The following GAR1 variants were observed in gnomAD, a reference collection of about 807,000 sequenced individuals.
GAR1 encodes GAR1 ribonucleoprotein.
GAR1 carries 11 observed loss-of-function variants against 29.3 expected under a neutral mutation model. That is an observed-to-expected ratio of 0.38 (90% CI 0.24 to 0.62). The LOEUF (loss-of-function observed/expected upper bound fraction) is 0.62, where lower values mean the gene tolerates loss of function less well. Among genes scored for constraint, GAR1 ranks in the 20% least tolerant of loss-of-function variants. The pLI is 0.62. For missense variants in GAR1, 237 were observed against 268.4 expected, an observed-to-expected ratio of 0.88 and a Z score of 0.82; for synonymous variants, 87 against 93.3, an observed-to-expected ratio of 0.93 and a Z score of 0.39.
chr4:109,820,333 G>C (rs1425223969), intron 4 of GAR1, among the ~76,000 whole-genome samples: 1 of 152,140 alleles, frequency 6.6e-6, no homozygotes, highest in Non-Finnish European at 1.5e-5. Context: ...AGGGGGATTG[G>C]GGGAAGATAA....
intron 3 of GAR1, among the ~76,000 whole-genome samples, chr4:109,818,383 A>C (rs915208263): frequency 2.0e-5 from 3 of 152,068 alleles, no homozygotes; most frequent in Non-Finnish European, 2.9e-5. Context: ...CTGGAAATGT[A>C]GAATTAGAAG....
intron 5 of GAR1, among the ~76,000 whole-genome samples, chr4:109,823,570 C>G (rs972794607): frequency 6.6e-6 from 1 of 152,044 alleles, no homozygotes; most frequent in African/African-American, 2.4e-5. Flanking sequence ...TATCTGCCAC[C>G]CTTTGTTGTT....
intron 2 of GAR1, among the ~76,000 whole-genome samples, chr4:109,817,147 G>C (rs1294434292): frequency 1.3e-5 from 2 of 152,170 alleles, no homozygotes; most frequent in African/African-American, 2.4e-5. Flanking sequence ...CCCACAAGCT[G>C]TTGTACCAGT....
Position 109,824,596 on chromosome 4 carries a change from G to A in GAR1, c.*165G>A. 1 of 609,552 alleles carries A rather than the reference G, an allele frequency of 1.6e-6. No homozygotes were observed. The highest frequency in any genetic ancestry group is 2.8e-5 in the Admixed American group (1 of 36,112). The allele number at this position is 609,552 out of a possible 1,614,324, so 37.8% of individuals were successfully genotyped here. A position where few individuals can be genotyped will look rare whatever the true frequency, so the allele number is the denominator to read the frequency against. Reference sequence around the variant, plus strand: ...ATCATGCAAAGTGCAACGGAATAGTGAATTTTGCTCTAAAAGAGCATGAAC... The same window carrying A: ...ATCATGCAAAGTGCAACGGAATAGTAAATTTTGCTCTAAAAGAGCATGAAC... On this transcript the variant is annotated 3_prime_UTR_variant, in exon 7 of 7. Coordinates refer to ENST00000226796, the MANE Select transcript of GAR1 (RefSeq NM_018983.4).
intron 4 of GAR1, among the ~76,000 whole-genome samples, chr4:109,820,668 G>C (rs573784873): frequency 1.4e-4 from 22 of 152,174 alleles, no homozygotes; most frequent in Admixed American, 3.9e-4. Flanking sequence ...ATGGCAAAAG[G>C]CTGCAAAGTG....
rs772132118 is a variant in GAR1, at chr4:109,818,022, C to A, written c.301C>A (p.Pro101Thr). ...AAATAAGGTGCCTTATTTCAATGCT[C>A]CTGTTTACTTAGAAAACAAAGAACA... is the stretch of plus-strand genomic sequence containing the variant. ...DENKVPYFNAPVYLENKEQIG... is the reference protein window; with the variant it reads ...DENKVPYFNATVYLENKEQIG... Residue 101 changes from proline (P) to threonine (T), a missense_variant, in exon 3 of 7, where the codon CCT becomes ACT. Coordinates refer to ENST00000226796, the MANE Select transcript of GAR1 (RefSeq NM_018983.4). 8 of 1,605,352 alleles carry A rather than the reference C, an allele frequency of 5.0e-6. No homozygotes were observed. The East Asian group carries it at 1.8e-4, about 36-fold the overall frequency.
At chr4:109,824,361 A>G in intron 6 of GAR1, 57 bp from the exon 7 acceptor site, 1 of 1,152,534 alleles carries the variant, frequency 8.7e-7, no homozygotes, top group Admixed American at 1.7e-5. Flanking sequence ...TTTAGGTTAT[A>G]ATACTATTAA....
At chr4:109,818,567 CTTTT>C (rs34081446) in intron 3 of GAR1, among the ~76,000 whole-genome samples, 3 of 123,770 alleles carry the variant, frequency 2.4e-5, no homozygotes, top group Admixed American at 1.8e-4. Flanking sequence ...TTCTTTTTTC[CTTTT>C]TTTTTTTTTT....
In GAR1 at chr4:109,815,782, G is replaced by A; in HGVS notation, c.-35G>A. On this transcript the variant is annotated 5_prime_UTR_variant, in exon 1 of 7. Coordinates refer to ENST00000226796, the MANE Select transcript of GAR1 (RefSeq NM_018983.4). ...CGGGTGGGTGTGTGCGCAAGGCCAG[G>A]GCCAGAGGGGCACGTGGCGCCGGTG... The A allele has an allele frequency of 3.9e-6, 1 of 254,702 alleles. No homozygotes were observed. The highest frequency in any genetic ancestry group is 7.6e-6 in the Non-Finnish European group (1 of 131,748). The allele number at this position is 254,702 out of a possible 1,614,324, so 15.8% of individuals were successfully genotyped here. A position where few individuals can be genotyped will look rare whatever the true frequency, so the allele number is the denominator to read the frequency against.
Position 109,816,345 on chromosome 4 carries a change from G to C in GAR1, c.181G>C (p.Gly61Arg), listed in dbSNP as rs377146693. Residue 61 changes from glycine (G) to arginine (R), a missense_variant, in exon 2 of 7, where the codon GGC becomes CGC. Physicochemically the swap from Gly to Arg is moderately radical, Grantham distance 125. Coordinates refer to ENST00000226796, the MANE Select transcript of GAR1 (RefSeq NM_018983.4). ...GGGTGGCCGCGGAGGCTTTAACAAA[G>C]GCCAAGACCAAGGACCTCCAGAACG... ...RGGGRGGFNK[G>R]QDQGPPERVV... 3 of 1,613,860 alleles carry C rather than the reference G, an allele frequency of 1.9e-6. No homozygotes were observed. In the African/African-American group the frequency reaches 4.0e-5, roughly 22 times the overall value.
chr4:109,822,155 T>TAAAAAAAAAAAAAAAAAA (rs59097048), intron 4 of GAR1, among the ~76,000 whole-genome samples, 192 bp from the exon 5 acceptor site: 1 of 101,640 alleles, frequency 9.8e-6, no homozygotes, highest in African/African-American at 3.7e-5. Flanking sequence ...GAACTTAAGG[T>TAAAAAAAAAAAAAAAAAA]AAAAAAAAAA....
intron 4 of GAR1, chr4:109,819,266 CT>C (rs34376766): frequency 1.8e-6 from 1 of 560,502 alleles, no homozygotes; most frequent in South Asian, 2.1e-5. Flanking sequence ...AAAATTACAA[CT>C]TTTGCTCATA....
At position 109,824,434 on chromosome 4, in the gene GAR1, G is replaced by T; in HGVS notation, c.*3G>T. On this transcript the variant is annotated 3_prime_UTR_variant, in exon 7 of 7. Coordinates refer to ENST00000226796, the MANE Select transcript of GAR1 (RefSeq NM_018983.4). ...CTTAATCAGGGAGAGGACATTAAGT[G>T]AAACAGTTGACAGACATCACCAGTT... 1 of 1,589,782 alleles carries T rather than the reference G, an allele frequency of 6.3e-7. No individual in the cohort carries two copies. Among genetic ancestry groups the T allele is most frequent in the East Asian group, 2.2e-5 (1 of 44,672 alleles).
Position 109,816,270 on chromosome 4 carries a change from G to GGAGGCGGCGGCAATTTCA in GAR1, c.119_136dup (p.Asn40_Gly45dup), listed in dbSNP as rs751178188. On this transcript the variant is annotated inframe_insertion, in exon 2 of 7. Transcript: ENST00000226796. ...CCACTTCCGAGGTGGAGGCGGCGGTGGAGGCGGCGGCAATTTCAGAGGCGG... is the reference window on the plus strand; with the variant it reads ...CCACTTCCGAGGTGGAGGCGGCGGTGGAGGCGGCGGCAATTTCAGAGGCGGCGGCAATTTCAGAGGCGG... 8.1e-6 allele frequency: 13 copies of GGAGGCGGCGGCAATTTCA among 1,609,722 alleles called. No individual in the cohort carries two copies. The highest frequency in any genetic ancestry group is 7.7e-5 in the South Asian group (7 of 90,808).
chr4:109,815,947 T>C, intron 1 of GAR1, 143 bp downstream of exon 1: 3 of 595,398 alleles, frequency 5.0e-6, no homozygotes, highest in South Asian at 4.1e-5. Flanking sequence ...GCGGCAAGGG[T>C]GGTGTGTGGT....
chr4:109,820,850 G>C (rs1368014966), intron 4 of GAR1, among the ~76,000 whole-genome samples: 1 of 152,056 alleles, frequency 6.6e-6, no homozygotes, highest in African/African-American at 2.4e-5. Flanking sequence ...TGCTTCTGGC[G>C]TGCCTGGAGC....
chr4:109,820,367 A>G (rs1180716748), intron 4 of GAR1, among the ~76,000 whole-genome samples: 1 of 152,122 alleles, frequency 6.6e-6, no homozygotes, highest in East Asian at 1.9e-4. Flanking sequence ...GGACATAGTG[A>G]GGTTGAGGTA....
At chr4:109,822,155 TAAAAAAAAA>T (rs59097048) in intron 4 of GAR1, among the ~76,000 whole-genome samples, 183 bp from the exon 5 acceptor site, 96 of 101,626 alleles carry the variant, frequency 9.4e-4, no homozygotes, top group Middle Eastern at 6.3e-3. Context: ...GAACTTAAGG[TAAAAAAAAA>T]AAAAAAAAAA....
chr4:109,818,435 TTC>T lies in GAR1; in HGVS notation c.369+357_369+358del, dbSNP rs998151805. Among the ~76,000 whole-genome samples, 5 of 151,764 alleles carry T rather than the reference TTC, an allele frequency of 3.3e-5. No homozygotes were observed. The East Asian group carries it at 5.8e-4, about 18-fold the overall frequency. Reference sequence around the variant, plus strand: ...CTACTCTGGAAACTCCTTCCTTCCTTTCTCTCTCTCTCTTTTTCTCTTTCTCT... The same window carrying T: ...CTACTCTGGAAACTCCTTCCTTCCTTTCTCTCTCTCTTTTTCTCTTTCTCT... On this transcript the variant is annotated intron_variant, in intron 3 of 6. Coordinates refer to ENST00000226796, the MANE Select transcript of GAR1 (RefSeq NM_018983.4).
Sources: gnomAD v4.1 joint callset for allele counts (sites outside exome capture counted in the v4.1 genomes callset) on GRCh38, gnomAD v4.1.1 for gene constraint, MANE v1.5 for transcripts, NCBI Gene and HGNC (gene_info 2026-07-23, HGNC 2026-07-21) for gene names.